The following ISCA1 variants were observed in gnomAD, a reference collection of about 807,000 sequenced individuals.
ISCA1 encodes iron-sulfur cluster assembly 1.
Under a neutral mutation model 14.7 loss-of-function variants are expected in ISCA1, and 9 were observed. That is an observed-to-expected ratio of 0.61 (90% CI 0.37 to 1.07). The LOEUF (loss-of-function observed/expected upper bound fraction) is 1.07, where lower values mean the gene tolerates loss of function less well. Among genes scored for constraint, ISCA1 ranks in the 50% least tolerant of loss-of-function variants. The pLI is 0.01. For synonymous variants in ISCA1, 38 were observed against 54.3 expected (o/e 0.70, Z 1.32); for missense variants, 102 against 150.1 (o/e 0.68, Z 1.67).
Position 86,265,936 on chromosome 9 carries a change from A to G in ISCA1, c.*107T>C. ...CCAACACACTGGATTCATTTTCAAG[A>G]TGTATCACTTTATTTTCCAGCACGT... On this transcript the variant is annotated 3_prime_UTR_variant, in exon 4 of 4. Transcript: ENST00000375991. 1 of 1,488,552 alleles carries G rather than the reference A, an allele frequency of 6.7e-7. No homozygotes were observed. 92.2% of individuals were successfully genotyped at this position (1,488,552 alleles called of 1,614,324 possible). A position where few individuals can be genotyped will look rare whatever the true frequency, so the allele number is the denominator to read the frequency against.
rs1265012148 is a variant in ISCA1, at chr9:86,278,783, C to T, written c.81+3595G>A. Among the ~76,000 whole-genome samples, 6 of 152,248 alleles carry T rather than the reference C, an allele frequency of 3.9e-5. No homozygotes were observed. The South Asian group carries it at 6.2e-4, about 16-fold the overall frequency. On this transcript the variant is annotated intron_variant, in intron 1 of 3. Transcript: ENST00000375991. ...TACATGGTAATAAACATATATTCAC[C>T]ATTTACTGAGCACCTTCTAAGTGTT...
intron 1 of ISCA1, among the ~76,000 whole-genome samples, chr9:86,275,023 C>T (rs1019070556): frequency 3.9e-5 from 6 of 152,288 alleles, no homozygotes; most frequent in African/African-American, 1.2e-4. Context: ...GACTGTTCCC[C>T]GACATTCCTG....
chr9:86,270,073 G>A (rs1290741619), intron 3 of ISCA1, among the ~76,000 whole-genome samples: 4 of 151,114 alleles, frequency 2.6e-5, no homozygotes, highest in South Asian at 2.1e-4. Flanking sequence ...AATGGCAACA[G>A]AAGCCAAAAT....
chr9:86,278,372 A>T (rs2131227079), intron 1 of ISCA1, among the ~76,000 whole-genome samples: 1 of 152,294 alleles, frequency 6.6e-6, no homozygotes, highest in East Asian at 1.9e-4. Flanking sequence ...ATATACAAAT[A>T]TATATTTGTA....
rs1157038053 is a variant in ISCA1, at chr9:86,282,367, C to T, written c.81+11G>A. ...ATGTCACGGGCCCCGCCGCGCGCCGCGAGCACTCACCAGGGTGAGGGCTGC... is the reference window on the plus strand; with the variant it reads ...ATGTCACGGGCCCCGCCGCGCGCCGTGAGCACTCACCAGGGTGAGGGCTGC... On this transcript the variant is annotated intron_variant, in intron 1 of 3. Coordinates refer to ENST00000375991, the MANE Select transcript of ISCA1 (RefSeq NM_030940.4). 27 of 1,539,906 alleles carry T rather than the reference C, an allele frequency of 1.8e-5. No homozygotes were observed. Among genetic ancestry groups the T allele is most frequent in the Non-Finnish European group, 2.3e-5 (26 of 1,139,594 alleles).
At chr9:86,275,733 C>G (rs1587820442) in intron 1 of ISCA1, among the ~76,000 whole-genome samples, 1 of 152,140 alleles carries the variant, frequency 6.6e-6, no homozygotes, top group South Asian at 2.1e-4. Context: ...CCTCTAAAGG[C>G]CCATGGTTTC....
chr9:86,271,319 C>T (rs900857269), intron 3 of ISCA1, among the ~76,000 whole-genome samples: 1 of 152,074 alleles, frequency 6.6e-6, no homozygotes, highest in Non-Finnish European at 1.5e-5. Flanking sequence ...TCCAATGTCA[C>T]ATTTCTCAGA....
intron 1 of ISCA1, among the ~76,000 whole-genome samples, chr9:86,276,377 A>G (rs1236234144): frequency 1.3e-5 from 2 of 152,164 alleles, no homozygotes; most frequent in Non-Finnish European, 2.9e-5. Context: ...GCCATGGACC[A>G]GTACCAGTCT....
At chr9:86,281,456 A>G (rs1418562753) in intron 1 of ISCA1, among the ~76,000 whole-genome samples, 1 of 152,082 alleles carries the variant, frequency 6.6e-6, no homozygotes, top group Middle Eastern at 3.2e-3. Context: ...CTCCTTCACT[A>G]AAAGGGGAGT....
intron 2 of ISCA1, among the ~76,000 whole-genome samples, chr9:86,273,969 C>A (rs1825407343): frequency 6.6e-6 from 1 of 152,194 alleles, no homozygotes; most frequent in African/African-American, 2.4e-5. Context: ...AAAGAGATTG[C>A]TTCTTGGAAG....
chr9:86,282,516 T>C lies in ISCA1; in HGVS notation c.-58A>G, dbSNP rs1825536331. ...CGAAGGTCGGCCGCCTCAGCTTCTC[T>C]CCATGGACACGGCGGGCGCATTGAC... On this transcript the variant is annotated 5_prime_UTR_variant, in exon 1 of 4. Coordinates refer to ENST00000375991, the MANE Select transcript of ISCA1 (RefSeq NM_030940.4). 1.9e-6 allele frequency: 3 copies of C among 1,549,474 alleles called. No homozygotes were observed. Among genetic ancestry groups the C allele is most frequent in the Non-Finnish European group, 1.7e-6 (2 of 1,146,548 alleles).
intron 3 of ISCA1, chr9:86,267,692 G>C: frequency 1.7e-6 from 1 of 596,848 alleles, no homozygotes; most frequent in Non-Finnish European, 2.1e-6. Flanking sequence ...AATGAACCAG[G>C]CATGGTGGTG....
chr9:86,274,311 G>T (rs1022792409), intron 1 of ISCA1, 69 bp from the exon 2 acceptor site: 1 of 1,037,706 alleles, frequency 9.6e-7, no homozygotes, highest in Non-Finnish European at 1.5e-6. Context: ...ATCAGTCTTC[G>T]TAAGTCTGTC....
intron 3 of ISCA1, among the ~76,000 whole-genome samples, chr9:86,266,486 G>C (rs1825294139): frequency 6.6e-6 from 1 of 151,858 alleles, no homozygotes; most frequent in Non-Finnish European, 1.5e-5. Flanking sequence ...CATTTTTCCA[G>C]TTTGCAACAT....
In ISCA1 at chr9:86,282,415, T is replaced by C. The variant is rs1479516997; in HGVS notation, c.44A>G (p.Lys15Arg). The C allele has an allele frequency of 6.4e-7, 1 of 1,555,616 alleles. No homozygotes were observed. The highest frequency in any genetic ancestry group is 8.7e-7 in the Non-Finnish European group (1 of 1,149,694). ...TGCCCGGGTGGGCTGCAGCTTCCTC[T>C]TGCTCACAGCCCGGACAGTTGCCCG... is the stretch of plus-strand genomic sequence containing the variant. ...LVRATVRAVSKRKLQPTRAAL... is the reference protein window; with the variant it reads ...LVRATVRAVSRRKLQPTRAAL... The change falls in exon 1 of 4, where the codon AAG (lysine) becomes AGG (arginine). Residue 15 changes from lysine (K) to arginine (R), a missense_variant. Physicochemically the swap from Lys to Arg is conservative, Grantham distance 26 (BLOSUM62 2). Transcript: ENST00000375991.
rs1276759636 is a variant in ISCA1, at chr9:86,265,058, G to A, written c.*985C>T. On this transcript the variant is annotated 3_prime_UTR_variant, in exon 4 of 4. Transcript: ENST00000375991. ...TGCTACAAACCATTGTTTCAAAGGT[G>A]AAAGAAACAAGATGGTAATTGACAT... 1 of 152,140 alleles carries A rather than the reference G, an allele frequency of 6.6e-6. No homozygotes were observed. Among genetic ancestry groups the A allele is most frequent in the Non-Finnish European group, 1.5e-5 (1 of 68,026 alleles). 9.4% of individuals were successfully genotyped at this position (152,140 alleles called of 1,614,324 possible).
At chr9:86,276,254 C>G (rs2131225590) in intron 1 of ISCA1, among the ~76,000 whole-genome samples, 1 of 152,024 alleles carries the variant, frequency 6.6e-6, no homozygotes, top group South Asian at 2.1e-4. Flanking sequence ...GTTTGTGCTC[C>G]TATGAGAATC....
At chr9:86,273,772 A>T (rs1415257634) in intron 2 of ISCA1, among the ~76,000 whole-genome samples, 1 of 152,166 alleles carries the variant, frequency 6.6e-6, no homozygotes, top group African/African-American at 2.4e-5. Flanking sequence ...ACCTCTCCGT[A>T]TCGGTGGGTT....
chr9:86,276,315 C>T (rs1288032739), intron 1 of ISCA1, among the ~76,000 whole-genome samples: 7 of 152,072 alleles, frequency 4.6e-5, no homozygotes, highest in Non-Finnish European at 7.4e-5. Context: ...GGTGGTAATG[C>T]TTGGCTTGCC....
Sources: allele counts gnomAD v4.1 joint callset (sites outside exome capture counted in the v4.1 genomes callset), GRCh38; gene constraint gnomAD v4.1.1; transcripts MANE v1.5; gene names NCBI Gene and HGNC (gene_info 2026-07-23, HGNC 2026-07-21).